PDE1C: variants seen among roughly 807,000 people sequenced by gnomAD.
PDE1C encodes the protein phosphodiesterase 1C, also known as dual specificity calcium/calmodulin-dependent 3',5'-cyclic nucleotide phosphodiesterase 1C.
Under a neutral mutation model 93.1 loss-of-function variants are expected in PDE1C, and 62 were observed. The ratio of observed to expected loss-of-function variants is 0.67; its 90% CI spans 0.54 to 0.82. PDE1C has a LOEUF of 0.82. PDE1C is among the 40% of genes least tolerant of loss of function. The pLI is 0.00. For synonymous variants in PDE1C, 325 were observed against 310.1 expected, an observed-to-expected ratio of 1.05 and a Z score of -0.50; for missense variants, 742 against 884.6, an observed-to-expected ratio of 0.84 and a Z score of 2.04.
intron 2 of PDE1C, among the ~76,000 whole-genome samples, chr7:32,005,023 T>TTGCC: frequency 1.3e-5 from 2 of 152,270 alleles, no homozygotes; most frequent in Middle Eastern, 3.4e-3. Flanking sequence ...GGATAAAACA[T>TTGCC]TGCCTCCTTG....
At chr7:32,398,309 A>AT (rs1207848759) in intron 1 of PDE1C, among the ~76,000 whole-genome samples, 1 of 151,594 alleles carries the variant, frequency 6.6e-6, no homozygotes, top group Non-Finnish European at 1.5e-5. Flanking sequence ...TCTCAAAAAA[A>AT]AAAAAAAGAA....
At chr7:32,005,415 G>T (rs1786062274) in intron 2 of PDE1C, among the ~76,000 whole-genome samples, 1 of 151,816 alleles carries the variant, frequency 6.6e-6, no homozygotes, top group African/African-American at 2.4e-5. Flanking sequence ...AATTAGCTGG[G>T]TGTTGTGGTG....
intron 1 of PDE1C, among the ~76,000 whole-genome samples, chr7:32,368,467 A>G (rs796227798): frequency 5.9e-5 from 9 of 152,290 alleles, no homozygotes; most frequent in African/African-American, 2.2e-4. Context: ...GACTTCTACA[A>G]GAAAAACTAT....
chr7:32,037,910 C>T (rs1015527681), intron 2 of PDE1C, among the ~76,000 whole-genome samples: 3 of 152,150 alleles, frequency 2.0e-5, no homozygotes, highest in Non-Finnish European at 4.4e-5. Context: ...ATAAAATACA[C>T]TCAACTCAAA....
chr7:32,087,566 G>T (rs1302356739), intron 3 of PDE1C, among the ~76,000 whole-genome samples: 8 of 152,094 alleles, frequency 5.3e-5, no homozygotes, highest in Middle Eastern at 3.2e-3. Flanking sequence ...GTTTATTGCA[G>T]CACTATTCAC....
At chr7:32,282,488 A>AGATAGCTAGATAGATAGATAGATG in intron 1 of PDE1C, among the ~76,000 whole-genome samples, 1 of 151,968 alleles carries the variant, frequency 6.6e-6, no homozygotes, top group Non-Finnish European at 1.5e-5. Flanking sequence ...AAAAAAAAAT[A>AGATAGCTAGATAGATAGATAGATG]GATAGATAGA....
intron 3 of PDE1C, among the ~76,000 whole-genome samples, chr7:32,165,231 G>C (rs1373721710): frequency 6.6e-6 from 1 of 152,156 alleles, no homozygotes; most frequent in Non-Finnish European, 1.5e-5. Flanking sequence ...TGAGTGCTGA[G>C]CACGAATACA....
intron 2 of PDE1C, among the ~76,000 whole-genome samples, chr7:31,968,563 C>T (rs537567277): frequency 6.6e-6 from 1 of 150,448 alleles, no homozygotes; most frequent in Non-Finnish European, 1.5e-5. Context: ...CAATGCCATC[C>T]CCATCAAGCT....
intron 2 of PDE1C, among the ~76,000 whole-genome samples, chr7:31,930,780 C>T (rs956439557): frequency 2.4e-5 from 3 of 124,786 alleles, no homozygotes; most frequent in African/African-American, 9.0e-5. Context: ...ACCTGGGAGG[C>T]GGAGGCTGTA....
intron 2 of PDE1C, among the ~76,000 whole-genome samples, chr7:31,972,108 A>G (rs1297317498): frequency 2.6e-5 from 4 of 152,198 alleles, no homozygotes; most frequent in Non-Finnish European, 5.9e-5. Context: ...AGCAACCTCT[A>G]TGGTCTATGG....
intron 3 of PDE1C, among the ~76,000 whole-genome samples, chr7:32,088,663 G>A (rs1279699008): frequency 6.6e-6 from 1 of 152,232 alleles, no homozygotes; most frequent in Non-Finnish European, 1.5e-5. Flanking sequence ...CAAAGCAGAG[G>A]AAAATCCCTC....
intron 2 of PDE1C, among the ~76,000 whole-genome samples, chr7:32,196,893 GTAGGTTTTCAGTT>G (rs1157930019): frequency 6.6e-6 from 1 of 152,184 alleles, no homozygotes; most frequent in Non-Finnish European, 1.5e-5. Context: ...TATATGATTT[GTAGGTTTTCAGTT>G]AATATTGCCT....
chr7:31,649,041 T>G, the PDE1C span, among the ~76,000 whole-genome samples: 2 of 152,224 alleles, frequency 1.3e-5, no homozygotes, highest in Non-Finnish European at 2.9e-5. Flanking sequence ...AGAGATTCCC[T>G]AAGTGTTTCA....
intron 2 of PDE1C, chr7:32,170,054 A>T: frequency 9.7e-7 from 1 of 1,035,254 alleles, no homozygotes. Context: ...CAGAGCAGGG[A>T]AATTTATATA....
chr7:32,096,862 G>GATAGATAA (rs1408060476), intron 3 of PDE1C, among the ~76,000 whole-genome samples: 1 of 135,150 alleles, frequency 7.4e-6, no homozygotes, highest in Non-Finnish European at 1.7e-5. Flanking sequence ...TAGATAGATA[G>GATAGATAA]ACAGACAGAT....
chr7:32,365,032 C>T (rs2128086197), intron 1 of PDE1C, among the ~76,000 whole-genome samples: 1 of 152,358 alleles, frequency 6.6e-6, no homozygotes, highest in East Asian at 1.9e-4. Flanking sequence ...GACATGGTCC[C>T]AGTCCAGCAG....
chr7:32,329,746 T>C (rs924063217), intron 1 of PDE1C, among the ~76,000 whole-genome samples: 1 of 152,220 alleles, frequency 6.6e-6, no homozygotes, highest in African/African-American at 2.4e-5. Flanking sequence ...CCCTTTATTT[T>C]TAGTGTTGGT....
chr7:31,631,395 G>A, the PDE1C span, among the ~76,000 whole-genome samples: 1 of 152,182 alleles, frequency 6.6e-6, no homozygotes, highest in Admixed American at 6.5e-5. Flanking sequence ...ACAAAACACA[G>A]ACATATAAAT....
At chr7:32,268,655 T>A (rs1295072024) in intron 1 of PDE1C, among the ~76,000 whole-genome samples, 2 of 152,010 alleles carry the variant, frequency 1.3e-5, no homozygotes, top group Non-Finnish European at 2.9e-5. Context: ...GTGAAATTCA[T>A]TAGGTTGTTT....
Sources: allele counts gnomAD v4.1 joint callset (sites outside exome capture counted in the v4.1 genomes callset), GRCh38; gene constraint gnomAD v4.1.1; transcripts MANE v1.5; gene names NCBI Gene and HGNC (gene_info 2026-07-23, HGNC 2026-07-21).